The following TMEM168 variants were observed in gnomAD, a reference collection of about 807,000 sequenced individuals.
The protein encoded by TMEM168 is transmembrane protein 168.
TMEM168 carries 40 observed loss-of-function variants against 53.2 expected under a neutral mutation model. The observed-to-expected ratio is 0.75, with a 90% CI of 0.58 to 0.98. TMEM168 has a LOEUF of 0.98. TMEM168 is among the 50% of genes least tolerant of loss of function. The pLI is 0.00. For synonymous variants in TMEM168, 282 were observed against 293.0 expected (o/e 0.96, Z 0.38); for missense variants, 771 against 828.8 (o/e 0.93, Z 0.86).
rs1584450755 is a variant in TMEM168, at chr7:112,783,949, AATACC to A, written c.872_876del (p.Trp291PhefsTer33). The A allele has an allele frequency of 6.2e-7, 1 of 1,608,124 alleles. No individual in the cohort carries two copies. Among genetic ancestry groups the A allele is most frequent in the Non-Finnish European group, 8.5e-7 (1 of 1,178,660 alleles). On this transcript the variant is annotated frameshift_variant, in exon 2 of 5. Transcript: ENST00000312814. LOFTEE classifies it high-confidence loss of function. ...AAAATGGAAAAGCCAGGTATTACAAAATACCAGAGGTGAGTGTCTCTAAGTTTGAA... is the reference window on the plus strand; with the variant it reads ...AAAATGGAAAAGCCAGGTATTACAAAAGAGGTGAGTGTCTCTAAGTTTGAA...
intron 4 of TMEM168, among the ~76,000 whole-genome samples, chr7:112,772,530 A>AT (rs1240297341): frequency 2.0e-5 from 3 of 152,242 alleles, no homozygotes; most frequent in Non-Finnish European, 4.4e-5. Context: ...TTCTGAAAAT[A>AT]TTTTAAGGGA....
rs952134047 is a variant in TMEM168 at position 112,765,319 on chromosome 7, T to C, written c.*1878A>G. On this transcript the variant is annotated 3_prime_UTR_variant, in exon 5 of 5. Transcript: ENST00000312814. The stretch of plus-strand genomic sequence containing the variant: ...AATACATATGAAAAAGTTAGGTTTG[T>C]GGCTGTCAAACTGTCAGCTGTTTTT... 2.0e-5 allele frequency: 3 copies of C among 152,216 alleles called. No individual in the cohort carries two copies. The highest frequency in any genetic ancestry group is 4.4e-5 in the Non-Finnish European group (3 of 68,028). The allele number at this position is 152,216 out of a possible 1,614,324, so 9.4% of individuals were successfully genotyped here.
At chr7:112,768,467 C>A (rs1363959550) in intron 4 of TMEM168, among the ~76,000 whole-genome samples, 1 of 152,022 alleles carries the variant, frequency 6.6e-6, no homozygotes, top group African/African-American at 2.4e-5. Context: ...CCTGTTCCTA[C>A]CTGTACAAGA....
chr7:112,782,296 A>C (rs1438798651), intron 2 of TMEM168, among the ~76,000 whole-genome samples: 1 of 152,170 alleles, frequency 6.6e-6, no homozygotes, highest in Non-Finnish European at 1.5e-5. Context: ...GTTTTTGTGT[A>C]CCTCCAGTGG....
Position 112,783,687 on chromosome 7 carries a change from A to C in TMEM168, c.1128+11T>G. 6.8e-7 allele frequency: 1 copy of C among 1,474,356 alleles called. No homozygotes were observed. Among genetic ancestry groups the C allele is most frequent in the Non-Finnish European group, 9.0e-7 (1 of 1,113,840 alleles). 91.3% of individuals were successfully genotyped at this position (1,474,356 alleles called of 1,614,324 possible). A position where few individuals can be genotyped will look rare whatever the true frequency, so the allele number is the denominator to read the frequency against. On this transcript the variant is annotated intron_variant, in intron 2 of 4. Coordinates refer to ENST00000312814, the MANE Select transcript of TMEM168 (RefSeq NM_022484.6). ...ACGTCATTGGGGTTGCTGGACAAAC[A>C]ATAAGCTTACCTGCCAGGAAACTGC...
chr7:112,775,263 A>T lies in TMEM168; in HGVS notation c.1184T>A (p.Met395Lys). The T allele has an allele frequency of 6.2e-7, 1 of 1,613,734 alleles. No homozygotes were observed. Among genetic ancestry groups the T allele is most frequent in the Non-Finnish European group, 8.5e-7 (1 of 1,179,824 alleles). Reference protein sequence around the residue: ...MFLIVLPLESMAHGLFHELGN... With the variant: ...MFLIVLPLESKAHGLFHELGN... ...CAATTCATGGAAGAGCCCATGAGCCATGGATTCCAATGGCAAAACGATTAG... is the reference window on the plus strand; with the variant it reads ...CAATTCATGGAAGAGCCCATGAGCCTTGGATTCCAATGGCAAAACGATTAG... The change falls in exon 3 of 5, where the codon ATG becomes AAG. Residue 395 changes from methionine (M) to lysine (K), a missense_variant. Met to Lys is a moderately conservative substitution (Grantham distance 95). Transcript: ENST00000312814.
intron 1 of TMEM168, among the ~76,000 whole-genome samples, chr7:112,786,150 G>A (rs1322014121): frequency 1.3e-5 from 2 of 152,056 alleles, no homozygotes; most frequent in Admixed American, 6.6e-5. Flanking sequence ...TGCAGTGAGC[G>A]GAGATCACGC....
Position 112,767,613 on chromosome 7 carries a change from T to G in TMEM168, c.1678A>C (p.Asn560His), listed in dbSNP as rs778314377. 8 of 1,614,174 alleles carry G rather than the reference T, an allele frequency of 5.0e-6. No homozygotes were observed. The South Asian group carries it at 8.8e-5, about 18-fold the overall frequency. Residue 560 changes from asparagine (N) to histidine (H), a missense_variant, in exon 5 of 5, where the codon AAT becomes CAT. Coordinates refer to ENST00000312814, the MANE Select transcript of TMEM168 (RefSeq NM_022484.6). ...TPWVKEVRKINDQYIAVQGAE... is the reference protein window; with the variant it reads ...TPWVKEVRKIHDQYIAVQGAE... Reference sequence around the variant, plus strand: ...CCTTGCACTGCAATATACTGGTCATTAATTTTCCTCACTTCTTTCACCCAA... The same window carrying G: ...CCTTGCACTGCAATATACTGGTCATGAATTTTCCTCACTTCTTTCACCCAA...
rs748320510 is a variant in TMEM168 at position 112,773,065 on chromosome 7, G to A, written c.1272-10C>T. ...TGGCTGACCATCAGGACTGAAGTAG[G>A]AGAAAAAACAAGAAGTACTCATTCT... is the stretch of plus-strand genomic sequence containing the variant. On this transcript the variant is annotated splice_polypyrimidine_tract_variant and intron_variant, in intron 3 of 4. Transcript: ENST00000312814. The A allele has an allele frequency of 9.5e-6, 15 of 1,579,172 alleles. No individual in the cohort carries two copies. Among genetic ancestry groups the A allele is most frequent in the Admixed American group, 1.8e-5 (1 of 55,882 alleles).
intron 3 of TMEM168, 114 bp downstream of exon 3, chr7:112,775,062 G>A (rs1380157878): frequency 1.2e-6 from 1 of 863,654 alleles, no homozygotes; most frequent in Non-Finnish European, 1.6e-6. Context: ...TGGAAGAAAT[G>A]CACAAGTTAT....
chr7:112,779,339 C>T (rs1206273072), intron 2 of TMEM168, among the ~76,000 whole-genome samples: 7 of 152,168 alleles, frequency 4.6e-5, no homozygotes, highest in African/African-American at 9.7e-5. Context: ...TACAAAAATT[C>T]GTAATCTTAA....
intron 2 of TMEM168, among the ~76,000 whole-genome samples, chr7:112,782,706 T>G (rs1793264078): frequency 6.6e-6 from 1 of 152,198 alleles, no homozygotes; most frequent in East Asian, 1.9e-4. Context: ...CAAAACACAC[T>G]TCTAGAAATC....
At chr7:112,787,666 C>CA (rs1793423286) in intron 1 of TMEM168, among the ~76,000 whole-genome samples, 1 of 147,370 alleles carries the variant, frequency 6.8e-6, no homozygotes, top group African/African-American at 2.5e-5. Flanking sequence ...CCACCCGCCT[C>CA]GCCTCCCAAA....
In TMEM168 at chr7:112,764,149, AAAT is replaced by A. The variant is rs970930027; in HGVS notation, c.*3045_*3047del. 5 of 151,846 alleles carry A rather than the reference AAAT, an allele frequency of 3.3e-5. No homozygotes were observed. Among genetic ancestry groups the A allele is most frequent in the Admixed American group, 2.6e-4 (4 of 15,264 alleles). The allele number at this position is 151,846 out of a possible 1,614,324, so 9.4% of individuals were successfully genotyped here. On this transcript the variant is annotated 3_prime_UTR_variant, in exon 5 of 5. Coordinates refer to ENST00000312814, the MANE Select transcript of TMEM168 (RefSeq NM_022484.6). ...TAATAATAATAAAATTAAAATAAAT[AAAT>A]AATGGTTAAAAAAAGAAAATAAATT...
At chr7:112,783,159 A>G (rs184031756) in intron 2 of TMEM168, among the ~76,000 whole-genome samples, 5 of 152,244 alleles carry the variant, frequency 3.3e-5, no homozygotes, top group African/African-American at 4.8e-5. Context: ...TTTCTTTCTT[A>G]GGATAACCTC....
chr7:112,768,521 G>A (rs1055436311), intron 4 of TMEM168, among the ~76,000 whole-genome samples: 13 of 152,088 alleles, frequency 8.5e-5, no homozygotes, highest in African/African-American at 3.1e-4. Flanking sequence ...TTTTATAGCT[G>A]AAGAACAAGG....
At position 112,784,454 on chromosome 7, in the gene TMEM168, T is replaced by C. The variant is rs747423070; in HGVS notation, c.372A>G (p.Lys124=). The C allele has an allele frequency of 7.4e-6, 12 of 1,613,890 alleles. No homozygotes were observed. The African/African-American group carries it at 1.3e-4, about 18-fold the overall frequency. Residue 124 remains lysine (K), a synonymous_variant, in exon 2 of 5, where the codon AAA becomes AAG. Coordinates refer to ENST00000312814, the MANE Select transcript of TMEM168 (RefSeq NM_022484.6). ...FKNDVKEEST[K]YLLLTSIVLR... is the part of the protein sequence containing the mutation. Reference sequence around the variant, plus strand: ...ACACTATGGATGTTAGAAGCAAATATTTGGTTGATTCTTCTTTTACATCAT... The same window carrying C: ...ACACTATGGATGTTAGAAGCAAATACTTGGTTGATTCTTCTTTTACATCAT...
At position 112,771,076 on chromosome 7, in the gene TMEM168, G is replaced by A. The variant is rs184169073; in HGVS notation, c.1546+1705C>T. ...TACCTGAAACTGAAGTAGCCATAAAGGTTAAAAAGATGCTTTCTACGTTGT... is the reference window on the plus strand; with the variant it reads ...TACCTGAAACTGAAGTAGCCATAAAAGTTAAAAAGATGCTTTCTACGTTGT... On this transcript the variant is annotated intron_variant, in intron 4 of 4. Coordinates refer to ENST00000312814, the MANE Select transcript of TMEM168 (RefSeq NM_022484.6). Among the ~76,000 whole-genome samples, 52 of 152,272 alleles carry A rather than the reference G, an allele frequency of 3.4e-4. No homozygotes were observed. In the East Asian group the frequency reaches 9.3e-3, roughly 27 times the overall value.
rs1488574918 is a variant in TMEM168 at position 112,765,496 on chromosome 7, T to TTAAC, written c.*1697_*1700dup. 1 of 152,178 alleles carries TTAAC rather than the reference T, an allele frequency of 6.6e-6. No individual in the cohort carries two copies. Among genetic ancestry groups the TTAAC allele is most frequent in the South Asian group, 2.1e-4 (1 of 4,826 alleles). 9.4% of individuals were successfully genotyped at this position (152,178 alleles called of 1,614,324 possible). ...ATTTAAAAGGAGATTTTACTTAACA[T>TTAAC]TAACTTTTTTTAAGCTAAAAGCTCA... On this transcript the variant is annotated 3_prime_UTR_variant, in exon 5 of 5. Coordinates refer to ENST00000312814, the MANE Select transcript of TMEM168 (RefSeq NM_022484.6).
Sources: gnomAD v4.1 joint callset for allele counts (sites outside exome capture counted in the v4.1 genomes callset) on GRCh38, gnomAD v4.1.1 for gene constraint, MANE v1.5 for transcripts, NCBI Gene and HGNC (gene_info 2026-07-23, HGNC 2026-07-21) for gene names.